The following RORA variants were observed in gnomAD, a reference collection of about 807,000 sequenced individuals.
RORA encodes the protein RAR related orphan receptor A.
Under a neutral mutation model 69.5 loss-of-function variants are expected in RORA, and 7 were observed. The ratio of observed to expected loss-of-function variants is 0.10; its 90% CI spans 0.06 to 0.19. The LOEUF (loss-of-function observed/expected upper bound fraction) is 0.19, where lower values mean the gene tolerates loss of function less well. Ranked by LOEUF, RORA falls within the 10% of genes least tolerant of loss-of-function variation. RORA has a pLI of 1.00. For synonymous variants in RORA, 261 were observed against 240.8 expected (o/e 1.08, Z -0.78); for missense variants, 457 against 663.0 (o/e 0.69, Z 3.41).
chr15:61,134,163 T>G (rs1175450543), intron 1 of RORA, among the ~76,000 whole-genome samples: 1 of 152,168 alleles, frequency 6.6e-6, no homozygotes, highest in African/African-American at 2.4e-5. Flanking sequence ...TCAATGAAAC[T>G]TTATGTCCCT....
intron 1 of RORA, among the ~76,000 whole-genome samples, chr15:61,145,787 T>A (rs141349075): frequency 6.6e-6 from 1 of 152,160 alleles, no homozygotes; most frequent in East Asian, 1.9e-4. Context: ...AGGGGAAATA[T>A]GTTCAGCCAA....
At chr15:60,939,008 G>A (rs1048880014) in intron 1 of RORA, among the ~76,000 whole-genome samples, 3 of 152,188 alleles carry the variant, frequency 2.0e-5, no homozygotes, top group Non-Finnish European at 4.4e-5. Context: ...GTGATGGCTC[G>A]ATCAAAGTTA....
intron 1 of RORA, among the ~76,000 whole-genome samples, chr15:61,080,228 C>T (rs77266233): frequency 0.014 from 2,148 of 152,236 alleles, 61 homozygotes; most frequent in African/African-American, 0.05. Flanking sequence ...CCTGGTTAAC[C>T]TTTATTCATC....
At chr15:60,978,884 C>A (rs1047774802) in intron 1 of RORA, among the ~76,000 whole-genome samples, 1 of 151,338 alleles carries the variant, frequency 6.6e-6, no homozygotes, top group Admixed American at 6.6e-5. Context: ...ATCCTTATAT[C>A]AGCACTACAC....
At chr15:60,687,916 G>A (rs9920767) in intron 1 of RORA, among the ~76,000 whole-genome samples, 20,066 of 152,086 alleles carry the variant, frequency 0.13, 1,363 homozygotes, top group East Asian at 0.17. Context: ...TATATAATTT[G>A]GGGCAAGATA....
At chr15:60,737,232 C>T (rs1230815519) in intron 1 of RORA, among the ~76,000 whole-genome samples, 1 of 152,212 alleles carries the variant, frequency 6.6e-6, no homozygotes, top group African/African-American at 2.4e-5. Flanking sequence ...CGTGGTCCAA[C>T]TGCACACAGC....
intron 1 of RORA, among the ~76,000 whole-genome samples, chr15:61,217,938 C>T (rs1484888880): frequency 6.6e-6 from 1 of 152,050 alleles, no homozygotes; most frequent in African/African-American, 2.4e-5. Flanking sequence ...TAATGAGTAA[C>T]ACCTGGAGCT....
chr15:61,014,626 G>A (rs1340351000), intron 1 of RORA, among the ~76,000 whole-genome samples: 1 of 152,158 alleles, frequency 6.6e-6, no homozygotes, highest in Non-Finnish European at 1.5e-5. Context: ...AGGGTCATAA[G>A]GCTAGCTGTC....
chr15:60,730,572 T>C (rs2071416759), intron 1 of RORA, among the ~76,000 whole-genome samples: 1 of 152,238 alleles, frequency 6.6e-6, no homozygotes, highest in African/African-American at 2.4e-5. Context: ...AGGTCAAACT[T>C]TTAAATATAA....
intron 1 of RORA, among the ~76,000 whole-genome samples, chr15:61,067,268 T>C (rs1382386671): frequency 6.6e-6 from 1 of 152,024 alleles, no homozygotes; most frequent in Non-Finnish European, 1.5e-5. Context: ...CATGTCACCA[T>C]GCCTGGCTAA....
At chr15:60,984,743 T>C (rs1442069280) in intron 1 of RORA, among the ~76,000 whole-genome samples, 2 of 151,378 alleles carry the variant, frequency 1.3e-5, no homozygotes, top group African/African-American at 4.8e-5. Flanking sequence ...CCCTCCAAAG[T>C]GAAATGTGTT....
intron 10 of RORA, 54 bp from the exon 11 acceptor site, chr15:60,497,673 A>C: frequency 7.1e-7 from 1 of 1,416,788 alleles, no homozygotes; most frequent in Non-Finnish European, 9.9e-7. Context: ...TAAGCATCAA[A>C]GATCAGGGAA....
At chr15:60,853,738 G>A (rs1252173375) in intron 1 of RORA, among the ~76,000 whole-genome samples, 1 of 152,208 alleles carries the variant, frequency 6.6e-6, no homozygotes, top group Non-Finnish European at 1.5e-5. Context: ...AATTTCAGGA[G>A]AATTTAAATA....
At chr15:61,110,553 C>T (rs2078996192) in intron 1 of RORA, among the ~76,000 whole-genome samples, 1 of 151,982 alleles carries the variant, frequency 6.6e-6, no homozygotes, top group Admixed American at 6.5e-5. Context: ...TATAAAACAG[C>T]CTCAGGCAGG....
chr15:60,761,108 G>A (rs553622479), intron 1 of RORA, among the ~76,000 whole-genome samples: 9 of 152,180 alleles, frequency 5.9e-5, no homozygotes, highest in African/African-American at 1.9e-4. Context: ...GGAGAGGGAG[G>A]AGTTGAATGA....
At chr15:61,101,335 G>A (rs1340588537) in intron 1 of RORA, among the ~76,000 whole-genome samples, 1 of 152,160 alleles carries the variant, frequency 6.6e-6, no homozygotes, top group Non-Finnish European at 1.5e-5. Context: ...GCAAAGTAGG[G>A]TCATGAGAGA....
chr15:61,191,583 C>A (rs1249313941), intron 1 of RORA, among the ~76,000 whole-genome samples: 1 of 152,184 alleles, frequency 6.6e-6, no homozygotes, highest in Non-Finnish European at 1.5e-5. Context: ...AACACATTGC[C>A]AACCTTTAAA....
At chr15:60,941,270 C>G (rs533615601) in intron 1 of RORA, among the ~76,000 whole-genome samples, 1 of 152,330 alleles carries the variant, frequency 6.6e-6, no homozygotes, top group South Asian at 2.1e-4. Flanking sequence ...GTTTCACTTC[C>G]TTGGACTTCA....
chr15:61,008,735 AT>A (rs1894997495), intron 1 of RORA, among the ~76,000 whole-genome samples: 1 of 152,126 alleles, frequency 6.6e-6, no homozygotes, highest in Admixed American at 6.5e-5. Flanking sequence ...AGAAAAAAAA[AT>A]CCACAACTGA....
Sources: gnomAD v4.1 joint callset for allele counts (sites outside exome capture counted in the v4.1 genomes callset) on GRCh38, gnomAD v4.1.1 for gene constraint, MANE v1.5 for transcripts, NCBI Gene and HGNC (gene_info 2026-07-23, HGNC 2026-07-21) for gene names.